GPC5: variants seen among roughly 807,000 people sequenced by gnomAD.
The protein encoded by GPC5 is glypican-5.
GPC5 carries 47 observed loss-of-function variants against 53.9 expected under a neutral mutation model. That is an observed-to-expected ratio of 0.87 (90% CI 0.69 to 1.11). The LOEUF is 1.11. Ranked by LOEUF, GPC5 falls within the 50% of genes most tolerant of loss-of-function variation. The pLI, the probability that GPC5 is intolerant of heterozygous loss-of-function variation, is 0.00. For synonymous variants in GPC5, 286 were observed against 263.3 expected (o/e 1.09, Z -0.84); for missense variants, 748 against 713.1 (o/e 1.05, Z -0.56).
chr13:92,360,237 C>T (rs1354426215), intron 7 of GPC5, among the ~76,000 whole-genome samples: 1 of 151,538 alleles, frequency 6.6e-6, no homozygotes, highest in African/African-American at 2.4e-5. Flanking sequence ...ACTTGAAAAC[C>T]CAAACTGAAT....
intron 1 of GPC5, among the ~76,000 whole-genome samples, chr13:91,434,089 T>C (rs752379028): frequency 6.6e-6 from 1 of 152,232 alleles, no homozygotes; most frequent in Non-Finnish European, 1.5e-5. Flanking sequence ...TTGTTGTAGA[T>C]TCTGGATATT....
At chr13:91,438,853 G>A (rs370984708) in intron 1 of GPC5, among the ~76,000 whole-genome samples, 5 of 152,280 alleles carry the variant, frequency 3.3e-5, no homozygotes, top group Middle Eastern at 3.4e-3. Context: ...CTCAAGCGTC[G>A]GTAATGGCGG....
chr13:92,455,959 C>T (rs1346107370), intron 7 of GPC5, among the ~76,000 whole-genome samples: 6 of 152,018 alleles, frequency 3.9e-5, no homozygotes, highest in South Asian at 4.2e-4. Context: ...TTTGAACTGC[C>T]GATTTGTTTC....
chr13:92,669,227 T>C (rs1886669772), intron 7 of GPC5, among the ~76,000 whole-genome samples: 1 of 152,144 alleles, frequency 6.6e-6, no homozygotes. Context: ...CCTCTCCATG[T>C]TCCTCCAGAA....
At chr13:91,796,194 C>T (rs926452215) in intron 5 of GPC5, among the ~76,000 whole-genome samples, 3 of 152,176 alleles carry the variant, frequency 2.0e-5, no homozygotes, top group African/African-American at 7.2e-5. Context: ...GGAACCCAAA[C>T]GACTAGTGTT....
chr13:92,453,935 C>T (rs778583262), intron 7 of GPC5, among the ~76,000 whole-genome samples: 12 of 152,108 alleles, frequency 7.9e-5, no homozygotes, highest in African/African-American at 1.7e-4. Flanking sequence ...TATCCATTGT[C>T]GTATAAATAG....
intron 5 of GPC5, among the ~76,000 whole-genome samples, chr13:91,845,346 T>C (rs2038836448): frequency 6.6e-6 from 1 of 152,178 alleles, no homozygotes; most frequent in African/African-American, 2.4e-5. Flanking sequence ...TATTAAAATA[T>C]AATTGACAAA....
At chr13:92,520,282 G>C (rs905330636) in intron 7 of GPC5, among the ~76,000 whole-genome samples, 1 of 152,100 alleles carries the variant, frequency 6.6e-6, no homozygotes, top group Non-Finnish European at 1.5e-5. Flanking sequence ...CATTTTAAGA[G>C]GCCAGCATCA....
At chr13:92,418,981 G>A (rs1876439441) in intron 7 of GPC5, among the ~76,000 whole-genome samples, 1 of 152,170 alleles carries the variant, frequency 6.6e-6, no homozygotes, top group Non-Finnish European at 1.5e-5. Context: ...AACATTGCTT[G>A]TCTAATGTAA....
chr13:92,551,003 G>C (rs1882292794), intron 7 of GPC5, among the ~76,000 whole-genome samples: 1 of 151,820 alleles, frequency 6.6e-6, no homozygotes. Flanking sequence ...TAATCAAATA[G>C]AGCTTTAACT....
At chr13:92,178,359 T>G (rs999321578) in intron 7 of GPC5, among the ~76,000 whole-genome samples, 6 of 151,856 alleles carry the variant, frequency 4.0e-5, no homozygotes, top group African/African-American at 1.5e-4. Context: ...ACTGGAGGTA[T>G]TTGCCACTTT....
intron 2 of GPC5, among the ~76,000 whole-genome samples, chr13:91,550,134 A>G (rs2030537835): frequency 6.6e-6 from 1 of 152,132 alleles, no homozygotes; most frequent in Admixed American, 6.6e-5. Flanking sequence ...AAAAAAGCCA[A>G]TCTGAAAATG....
At chr13:91,701,767 A>G (rs2035997815) in intron 3 of GPC5, among the ~76,000 whole-genome samples, 1 of 152,092 alleles carries the variant, frequency 6.6e-6, no homozygotes, top group Non-Finnish European at 1.5e-5. Context: ...GGGAGTTCAG[A>G]CATCTCTTCC....
chr13:92,430,408 C>T lies in GPC5; in HGVS notation c.1561+285419C>T, dbSNP rs140244445. On this transcript the variant is annotated intron_variant, in intron 7 of 7. Coordinates refer to ENST00000377067, the MANE Select transcript of GPC5 (RefSeq NM_004466.6). ...TATTGGAGAAAACATTATTTTTAAA[C>T]GTTCTGCAGGCAGTAACGAAACTCT... Among the ~76,000 whole-genome samples the T allele has an allele frequency of 1.1e-3, 166 of 152,218 alleles. 1 individual carries two copies. The highest frequency in any genetic ancestry group is 1.7e-3 in the Non-Finnish European group (115 of 68,012).
At chr13:91,752,837 CAT>C (rs1363608052) in intron 4 of GPC5, among the ~76,000 whole-genome samples, 1 of 152,214 alleles carries the variant, frequency 6.6e-6, no homozygotes, top group Non-Finnish European at 1.5e-5. Context: ...ATCAACATCA[CAT>C]GAGTGCTGCT....
chr13:91,502,379 G>T (rs1161488059), intron 2 of GPC5, among the ~76,000 whole-genome samples: 1 of 152,134 alleles, frequency 6.6e-6, no homozygotes, highest in Non-Finnish European at 1.5e-5. Flanking sequence ...ATGGTTTTAG[G>T]TCTAACATTT....
At chr13:92,269,566 C>A (rs545607852) in intron 7 of GPC5, among the ~76,000 whole-genome samples, 2 of 152,036 alleles carry the variant, frequency 1.3e-5, no homozygotes, top group Admixed American at 6.6e-5. Flanking sequence ...CCACCATGCC[C>A]GGCTAAGTTT....
At chr13:92,171,552 C>G (rs1267083670) in intron 7 of GPC5, among the ~76,000 whole-genome samples, 1 of 152,144 alleles carries the variant, frequency 6.6e-6, no homozygotes, top group Non-Finnish European at 1.5e-5. Context: ...AATGGTGTTG[C>G]CAGAGTCAGC....
chr13:91,495,675 C>T (rs1484859145), intron 2 of GPC5, among the ~76,000 whole-genome samples: 1 of 152,200 alleles, frequency 6.6e-6, no homozygotes. Context: ...TCTGTCTATT[C>T]TGTTTCAAAT....
Sources: allele counts gnomAD v4.1 joint callset (sites outside exome capture counted in the v4.1 genomes callset), GRCh38; gene constraint gnomAD v4.1.1; transcripts MANE v1.5; gene names NCBI Gene and HGNC (gene_info 2026-07-23, HGNC 2026-07-21).